The following GABRA5 variants were observed in gnomAD, a reference collection of about 807,000 sequenced individuals.
GABRA5 encodes gamma-aminobutyric acid type A receptor subunit alpha5.
Under a neutral mutation model 47.3 loss-of-function variants are expected in GABRA5, and 18 were observed. The observed-to-expected ratio is 0.38, with a 90% CI of 0.26 to 0.56. The LOEUF (loss-of-function observed/expected upper bound fraction) is 0.56. GABRA5 is among the 20% of genes least tolerant of loss of function. The pLI is 0.71. For synonymous variants in GABRA5, 237 were observed against 229.3 expected (o/e 1.03, Z -0.30); for missense variants, 365 against 599.3 (o/e 0.61, Z 4.08).
intron 3 of GABRA5, among the ~76,000 whole-genome samples, chr15:26,879,257 A>C (rs1442837332): frequency 1.3e-5 from 2 of 152,218 alleles, no homozygotes; most frequent in Non-Finnish European, 2.9e-5. Flanking sequence ...TGAGAAGTGC[A>C]TCATGAAGCC....
chr15:26,932,905 A>G (rs1013278733), intron 7 of GABRA5, among the ~76,000 whole-genome samples: 1 of 152,166 alleles, frequency 6.6e-6, no homozygotes, highest in Non-Finnish European at 1.5e-5. Context: ...ATGAGAACAG[A>G]TGGACACAGG....
chr15:26,930,199 G>A (rs1054960627), intron 7 of GABRA5, among the ~76,000 whole-genome samples: 50 of 151,888 alleles, frequency 3.3e-4, no homozygotes, highest in Admixed American at 1.8e-3. Context: ...TTTTAGTAAA[G>A]ACGGGGTTTC....
intron 6 of GABRA5, among the ~76,000 whole-genome samples, chr15:26,907,619 G>A (rs112698385): frequency 0.062 from 9,431 of 152,148 alleles, 964 homozygotes; most frequent in African/African-American, 0.22. Context: ...CAACTGCAGT[G>A]GATCTACAAC....
chr15:26,868,357 C>G (rs1892376784), intron 1 of GABRA5, among the ~76,000 whole-genome samples: 1 of 151,960 alleles, frequency 6.6e-6, no homozygotes. Flanking sequence ...GTTGTGTCTC[C>G]CAATTCCGGA....
Position 26,894,208 on chromosome 15 carries a change from C to T in GABRA5, c.497+10651C>T, listed in dbSNP as rs369365774. ...CTTGGACAAAGGTGGAAACGGAAGCCTTCTGGGAGGGATGCGTATTCCCGC... is the reference window on the plus strand; with the variant it reads ...CTTGGACAAAGGTGGAAACGGAAGCTTTCTGGGAGGGATGCGTATTCCCGC... On this transcript the variant is annotated intron_variant, in intron 6 of 10. Transcript: ENST00000335625. Among the ~76,000 whole-genome samples, 181 of 152,286 alleles carry T rather than the reference C, an allele frequency of 1.2e-3. 1 individual carries two copies. Among genetic ancestry groups the T allele is most frequent in the African/African-American group, 4.2e-3 (174 of 41,556 alleles).
intron 7 of GABRA5, among the ~76,000 whole-genome samples, chr15:26,928,037 CTATT>C (rs1328907264): frequency 3.9e-5 from 6 of 152,052 alleles, no homozygotes; most frequent in African/African-American, 1.4e-4. Context: ...CACAACAAGA[CTATT>C]TAGGAAAAAA....
chr15:26,906,225 G>A (rs938575011), intron 6 of GABRA5, among the ~76,000 whole-genome samples: 1 of 151,632 alleles, frequency 6.6e-6, no homozygotes, highest in Non-Finnish European at 1.5e-5. Context: ...TGTTCTACAG[G>A]GCCACTCTTT....
chr15:26,947,350 C>T (rs1160342047), intron 10 of GABRA5, among the ~76,000 whole-genome samples: 1 of 152,098 alleles, frequency 6.6e-6, no homozygotes, highest in African/African-American at 2.4e-5. Context: ...TTTTTCTGCT[C>T]CTCTTCCTCC....
chr15:26,904,625 T>C (rs907460304), intron 6 of GABRA5, among the ~76,000 whole-genome samples: 1 of 151,994 alleles, frequency 6.6e-6, no homozygotes, highest in African/African-American at 2.4e-5. Context: ...TTGTTTGTAT[T>C]GTCTCTGATT....
intron 3 of GABRA5, among the ~76,000 whole-genome samples, chr15:26,870,394 G>T (rs546680800): frequency 2.6e-5 from 4 of 152,216 alleles, no homozygotes; most frequent in African/African-American, 9.7e-5. Flanking sequence ...ACAGCATTGG[G>T]ACTTTAGTCC....
intron 3 of GABRA5, among the ~76,000 whole-genome samples, chr15:26,878,600 C>A (rs1342656034): frequency 6.6e-6 from 1 of 152,154 alleles, no homozygotes; most frequent in Non-Finnish European, 1.5e-5. Context: ...AGGCTATCTT[C>A]AGTTAATACA....
chr15:26,907,221 A>C (rs537362960), intron 6 of GABRA5, among the ~76,000 whole-genome samples: 1 of 152,366 alleles, frequency 6.6e-6, no homozygotes, highest in African/African-American at 2.4e-5. Flanking sequence ...TCAATAGCAG[A>C]TATTTTAAAG....
intron 7 of GABRA5, among the ~76,000 whole-genome samples, chr15:26,934,267 AGAAAGAAAGAAAAAAAAG>A (rs1415390139): frequency 2.8e-5 from 4 of 144,396 alleles, no homozygotes; most frequent in South Asian, 2.3e-4. Context: ...AAAAAAAAAA[AGAAAGAAAGAAAAAAAAG>A]GAAAGAAAGA....
rs781666786 is a variant in GABRA5, at chr15:26,880,976, G to A, written c.208+9G>A. 2 of 1,613,432 alleles carry A rather than the reference G, an allele frequency of 1.2e-6. No individual in the cohort carries two copies. The highest frequency in any genetic ancestry group is 1.7e-6 in the Non-Finnish European group (2 of 1,179,610). On this transcript the variant is annotated intron_variant, in intron 4 of 10. Coordinates refer to ENST00000335625, the MANE Select transcript of GABRA5 (RefSeq NM_000810.4). ...TCGGCCCGGGCTGGGAGGTGAGTGT[G>A]CTCTCCTCAGCTGAGCCCAGCAAGG...
chr15:26,903,764 G>C (rs1207460445), intron 6 of GABRA5, among the ~76,000 whole-genome samples: 1 of 151,876 alleles, frequency 6.6e-6, no homozygotes, highest in Non-Finnish European at 1.5e-5. Context: ...CTTTTGAAAA[G>C]TGTCTGTTCA....
At chr15:26,881,075 T>C in intron 4 of GABRA5, 108 bp downstream of exon 4, 1 of 1,291,856 alleles carries the variant, frequency 7.7e-7, no homozygotes, top group Non-Finnish European at 1.0e-6. Flanking sequence ...AGAGCTTCCC[T>C]GCCAGGATTT....
intron 3 of GABRA5, among the ~76,000 whole-genome samples, chr15:26,872,632 G>T (rs1892500827): frequency 6.6e-6 from 1 of 152,154 alleles, no homozygotes; most frequent in South Asian, 2.1e-4. Flanking sequence ...AAAAGAAAGG[G>T]GAAAGGAGAA....
At chr15:26,901,884 T>A (rs959888668) in intron 6 of GABRA5, among the ~76,000 whole-genome samples, 2 of 152,182 alleles carry the variant, frequency 1.3e-5, no homozygotes, top group African/African-American at 4.8e-5. Flanking sequence ...GCCCATTTGG[T>A]CCAGCACTTG....
intron 7 of GABRA5, among the ~76,000 whole-genome samples, chr15:26,921,520 A>G (rs747483947): frequency 4.6e-5 from 7 of 152,016 alleles, no homozygotes; most frequent in East Asian, 1.9e-4. Context: ...AGGTTTTTCA[A>G]TTTTATTGAT....
Sources: allele counts gnomAD v4.1 joint callset (sites outside exome capture counted in the v4.1 genomes callset), GRCh38; gene constraint gnomAD v4.1.1; transcripts MANE v1.5; gene names NCBI Gene and HGNC (gene_info 2026-07-23, HGNC 2026-07-21).